SMG1: variants seen among roughly 807,000 people sequenced by gnomAD.
SMG1 encodes SMG1 nonsense mediated mRNA decay associated PI3K related kinase, also known as serine/threonine-protein kinase SMG1.
A neutral mutation model predicts 419.9 loss-of-function variants in SMG1; 22 were observed. The ratio of observed to expected loss-of-function variants is 0.05; its 90% CI spans 0.04 to 0.07. The LOEUF is 0.07. SMG1 is among the 10% of genes least tolerant of loss of function. The pLI is 1.00. For synonymous variants in SMG1, 1,538 were observed against 1,553.5 expected, an observed-to-expected ratio of 0.99 and a Z score of 0.23; for missense variants, 3,185 against 4,342.0, an observed-to-expected ratio of 0.73 and a Z score of 7.49.
intron 48 of SMG1, among the ~76,000 whole-genome samples, chr16:18,835,650 A>G (rs1197162172): frequency 6.6e-6 from 1 of 152,136 alleles, no homozygotes; most frequent in Admixed American, 6.6e-5. Flanking sequence ...TCACGCCTGT[A>G]ATCCCAGAAA....
At chr16:18,826,988 A>C (rs1596472586) in intron 55 of SMG1, among the ~76,000 whole-genome samples, 1 of 40,292 alleles carries the variant, frequency 2.5e-5, no homozygotes, top group African/African-American at 7.2e-5. Context: ...CCGGTCTGAA[A>C]AGCGTAATAT....
At position 18,866,686 on chromosome 16, in the gene SMG1, C is replaced by A; in HGVS notation, c.3285G>T (p.Trp1095Cys). ...CPEAIQGIAV[W>C]SSSIVGKNLL... ...GATTTTTTCCAACAATAGATGATGA[C>A]CAGACAGCAATTCCCTGTATAGCTT... The change falls in exon 23 of 63, where the codon TGG becomes TGT. Residue 1095 changes from tryptophan (W) to cysteine (C), a missense_variant. By Grantham distance (215) the Trp-to-Cys change is radical (BLOSUM62 -2). Coordinates refer to ENST00000446231, the MANE Select transcript of SMG1 (RefSeq NM_015092.5). The A allele has an allele frequency of 6.3e-7, 1 of 1,594,488 alleles. No homozygotes were observed. The highest frequency in any genetic ancestry group is 8.5e-7 in the Non-Finnish European group (1 of 1,176,988).
chr16:18,867,632 T>C (rs1055489221), intron 22 of SMG1, among the ~76,000 whole-genome samples: 22 of 151,278 alleles, frequency 1.5e-4, no homozygotes, highest in East Asian at 7.7e-4. Context: ...GTAAGAAATA[T>C]AGTTTTAACG....
In SMG1 at chr16:18,879,486, T is replaced by C; in HGVS notation, c.1518+9A>G. 1.3e-6 allele frequency: 1 copy of C among 747,656 alleles called. No individual in the cohort carries two copies. The highest frequency in any genetic ancestry group is 2.3e-6 in the Non-Finnish European group (1 of 434,188). 46.3% of individuals were successfully genotyped at this position (747,656 alleles called of 1,614,324 possible). ...AACACATTAAAAAGGAAAAGAATAA[T>C]TCACATACCAGCGTGAGTAAATTCA... On this transcript the variant is annotated intron_variant, in intron 11 of 62. Coordinates refer to ENST00000446231, the MANE Select transcript of SMG1 (RefSeq NM_015092.5).
At position 18,887,516 on chromosome 16, in the gene SMG1, C is replaced by CTTTGTTTTTTTT. The variant is rs749197007; in HGVS notation, c.823-1851_823-1850insAAAAAAAACAAA. On this transcript the variant is annotated intron_variant, in intron 6 of 62. Coordinates refer to ENST00000446231, the MANE Select transcript of SMG1 (RefSeq NM_015092.5). ...ACCACGCCCGACTTATTTTTTTTTC[C>CTTTGTTTTTTTT]TTTTTTTTTTTTTTTTTAATAGAAA... Among the ~76,000 whole-genome samples, 234 of 110,112 alleles carry CTTTGTTTTTTTT rather than the reference C, an allele frequency of 2.1e-3. 19 individuals carry two copies. The highest frequency in any genetic ancestry group is 6.0e-3 in the African/African-American group (174 of 29,024). 72.2% of individuals were successfully genotyped at this position (110,112 alleles called of 152,430 possible).
At chr16:18,881,336 T>C (rs1280786951) in intron 10 of SMG1, among the ~76,000 whole-genome samples, 1 of 151,714 alleles carries the variant, frequency 6.6e-6, no homozygotes, top group East Asian at 1.9e-4. Context: ...TTAAACCATT[T>C]TGAAACCATA....
At chr16:18,860,883 G>C in intron 25 of SMG1, 107 bp from the exon 26 acceptor site, 1 of 538,998 alleles carries the variant, frequency 1.9e-6, no homozygotes, top group Non-Finnish European at 3.2e-6. Context: ...AAAGTACACA[G>C]CATTTTTCTG....
chr16:18,839,802 T>G lies in SMG1; in HGVS notation c.6841A>C (p.Lys2281Gln). The change falls in exon 42 of 63, where the codon AAG becomes CAG. Residue 2281 changes from lysine (K) to glutamine (Q), a missense_variant. By Grantham distance (53) the Lys-to-Gln change is moderately conservative (BLOSUM62 1). Transcript: ENST00000446231. ...TCCATTAACTCTTCCAATACTGCCTTCATTACATGAAGAGGCCAATCCCGA... is the reference window on the plus strand; with the variant it reads ...TCCATTAACTCTTCCAATACTGCCTGCATTACATGAAGAGGCCAATCCCGA... ...SRRDWPLHVMKAVLEELMEAT... is the reference protein window; with the variant it reads ...SRRDWPLHVMQAVLEELMEAT... The G allele has an allele frequency of 6.2e-7, 1 of 1,613,954 alleles. No homozygotes were observed. The highest frequency in any genetic ancestry group is 8.5e-7 in the Non-Finnish European group (1 of 1,179,876).
intron 36 of SMG1, among the ~76,000 whole-genome samples, chr16:18,848,843 C>A (rs1333381330): frequency 6.6e-6 from 1 of 151,644 alleles, no homozygotes; most frequent in Non-Finnish European, 1.5e-5. Flanking sequence ...GAGGCCGAGG[C>A]AAGTGGATCA....
rs375763069 is a variant in SMG1, at chr16:18,847,800, G to A, written c.5841+16C>T. The A allele has an allele frequency of 7.8e-5, 126 of 1,608,374 alleles. No homozygotes were observed. The highest frequency in any genetic ancestry group is 1.0e-4 in the Non-Finnish European group (120 of 1,177,384). On this transcript the variant is annotated intron_variant, in intron 37 of 62. Transcript: ENST00000446231. Reference sequence around the variant, plus strand: ...TCTATAAAAAATTCTTCTACAACATGTGAGTTTCTTTGTACCTGTAATACC... The same window carrying A: ...TCTATAAAAAATTCTTCTACAACATATGAGTTTCTTTGTACCTGTAATACC...
At position 18,858,351 on chromosome 16, in the gene SMG1, T is replaced by A. The variant is rs1025455274; in HGVS notation, c.4114-61A>T. 2.4e-5 allele frequency: 36 copies of A among 1,511,482 alleles called. No homozygotes were observed. The African/African-American group carries it at 4.2e-4, about 18-fold the overall frequency. 93.6% of individuals were successfully genotyped at this position (1,511,482 alleles called of 1,614,324 possible). On this transcript the variant is annotated intron_variant, in intron 28 of 62. Transcript: ENST00000446231. The stretch of plus-strand genomic sequence containing the variant: ...CAGGCTGTTGATATGTTTGCAGATA[T>A]ATAGCAAGTCTTAAGTCCAAGACTG...
chr16:18,883,289 A>G (rs761500814), intron 9 of SMG1, among the ~76,000 whole-genome samples: 1 of 152,244 alleles, frequency 6.6e-6, no homozygotes, highest in African/African-American at 2.4e-5. Context: ...AGGCTTCAGC[A>G]GCGCTCTTAA....
At chr16:18,879,117 A>AT (rs956874186) in intron 11 of SMG1, 270 of 288,298 alleles carry the variant, frequency 9.4e-4, no homozygotes, top group Middle Eastern at 2.4e-3. Context: ...CAAAGCCCTT[A>AT]TTTTTTTTTC....
At chr16:18,879,309 C>G (rs916986148) in intron 11 of SMG1, 186 bp downstream of exon 11, 78 of 582,472 alleles carry the variant, frequency 1.3e-4, no homozygotes, top group Non-Finnish European at 2.1e-4. Context: ...CAGATGGGGT[C>G]TCACTACATT....
At chr16:18,817,094 T>G (rs1274509029) in intron 57 of SMG1, among the ~76,000 whole-genome samples, 197 bp downstream of exon 57, 1 of 120,372 alleles carries the variant, frequency 8.3e-6, no homozygotes, top group African/African-American at 3.3e-5. Context: ...TTTTATATTT[T>G]TAAACATATA....
At chr16:18,906,618 A>G (rs1791063567) in intron 1 of SMG1, among the ~76,000 whole-genome samples, 1 of 152,184 alleles carries the variant, frequency 6.6e-6, no homozygotes. Flanking sequence ...CCCCATAAAC[A>G]TGCAACACTT....
intron 51 of SMG1, among the ~76,000 whole-genome samples, chr16:18,832,245 G>C (rs1033560561): frequency 2.6e-5 from 4 of 152,126 alleles, no homozygotes; most frequent in African/African-American, 4.8e-5. Context: ...TGAGTCACTA[G>C]GCACAAAGAA....
chr16:18,868,999 T>C, intron 20 of SMG1, 105 bp downstream of exon 20: 1 of 1,044,258 alleles, frequency 9.6e-7, no homozygotes, highest in Non-Finnish European at 1.4e-6. Context: ...ATTGACTTTT[T>C]TCAAAAAAAT....
intron 1 of SMG1, among the ~76,000 whole-genome samples, chr16:18,914,688 C>A (rs2037905385): frequency 6.6e-6 from 1 of 152,030 alleles, no homozygotes; most frequent in Non-Finnish European, 1.5e-5. Context: ...ATAAAGAAAT[C>A]TGTTGATTCT....
Sources: allele counts gnomAD v4.1 joint callset (sites outside exome capture counted in the v4.1 genomes callset), GRCh38; gene constraint gnomAD v4.1.1; transcripts MANE v1.5; gene names NCBI Gene and HGNC (gene_info 2026-07-23, HGNC 2026-07-21).